The following TEC variants were observed in gnomAD, a reference collection of about 807,000 sequenced individuals.
TEC encodes tec protein tyrosine kinase, also known as tyrosine-protein kinase Tec.
A neutral mutation model predicts 93.0 loss-of-function variants in TEC; 72 were observed. That is an observed-to-expected ratio of 0.77 (90% CI 0.64 to 0.94). The LOEUF (loss-of-function observed/expected upper bound fraction) is 0.94. Ranked by LOEUF, TEC falls within the 40% of genes least tolerant of loss-of-function variation. The pLI is 0.00. For missense variants in TEC, 630 were observed against 757.9 expected (o/e 0.83, Z 1.98); for synonymous variants, 249 against 247.7 (o/e 1.01, Z -0.05).
At chr4:48,269,380 C>T (rs1259609959) in intron 1 of TEC, among the ~76,000 whole-genome samples, 5 of 152,244 alleles carry the variant, frequency 3.3e-5, no homozygotes, top group Admixed American at 3.3e-4. Flanking sequence ...AGGCATCAGC[C>T]CTGCTCGCCG....
chr4:48,201,925 C>A lies in TEC; in HGVS notation c.139-25739G>T, dbSNP rs141853342. On this transcript the variant is annotated intron_variant, in intron 2 of 17. Transcript: ENST00000381501. ...GGAGAGTCACAGGGGAAGCCCCAGG[C>A]TGCCAGATTCCAAAGTACTGTGGCT... 2.8e-3 allele frequency among the ~76,000 whole-genome samples: 429 copies of A among 151,020 alleles called. 4 individuals carry two copies. The highest frequency in any genetic ancestry group is 0.01 in the African/African-American group (414 of 41,132).
chr4:48,260,533 C>T (rs537014544), intron 1 of TEC, among the ~76,000 whole-genome samples: 3 of 152,016 alleles, frequency 2.0e-5, no homozygotes, highest in South Asian at 2.1e-4. Flanking sequence ...CCCAGGAGTT[C>T]GAGGCTGCAG....
chr4:48,139,763 G>T (rs553925155), intron 15 of TEC, among the ~76,000 whole-genome samples: 67 of 152,228 alleles, frequency 4.4e-4, no homozygotes, highest in Non-Finnish European at 7.8e-4. Context: ...TTTACAAAAG[G>T]AATGTATCTC....
At chr4:48,255,314 C>T (rs1363920533) in intron 1 of TEC, among the ~76,000 whole-genome samples, 1 of 152,134 alleles carries the variant, frequency 6.6e-6, no homozygotes, top group Non-Finnish European at 1.5e-5. Flanking sequence ...AGAGGAAGAG[C>T]TCCCCCTTTC....
intron 4 of TEC, 53 bp downstream of exon 4, chr4:48,171,315 C>T (rs1721102216): frequency 7.0e-7 from 1 of 1,437,322 alleles, no homozygotes; most frequent in African/African-American, 1.4e-5. Flanking sequence ...TTAATGATAA[C>T]AATATTACAT....
intron 8 of TEC, among the ~76,000 whole-genome samples, chr4:48,162,301 G>A (rs1204187618): frequency 6.6e-6 from 1 of 152,158 alleles, no homozygotes; most frequent in Non-Finnish European, 1.5e-5. Context: ...GTTATGCAGA[G>A]GAAGAAAATT....
At chr4:48,191,846 G>A (rs745938485) in intron 2 of TEC, among the ~76,000 whole-genome samples, 1 of 152,138 alleles carries the variant, frequency 6.6e-6, no homozygotes, top group African/African-American at 2.4e-5. Flanking sequence ...GGAGGTTGAG[G>A]CAGGAGGATT....
intron 3 of TEC, among the ~76,000 whole-genome samples, chr4:48,174,566 T>C (rs1721245472): frequency 6.6e-6 from 1 of 151,564 alleles, no homozygotes; most frequent in Admixed American, 6.6e-5. Flanking sequence ...GGCTGAGGCA[T>C]GAGAATCGCT....
chr4:48,252,653 A>G (rs1368794457), intron 1 of TEC, among the ~76,000 whole-genome samples: 1 of 152,244 alleles, frequency 6.6e-6, no homozygotes, highest in Non-Finnish European at 1.5e-5. Context: ...ATAAAGGCAG[A>G]GATATAGGCA....
rs1720569429 is a variant in TEC at position 48,160,174 on chromosome 4, G to T, written c.738-3440C>A. 1.3e-5 allele frequency among the ~76,000 whole-genome samples: 2 copies of T among 152,148 alleles called. 1 individual carries two copies. The highest frequency in any genetic ancestry group is 4.1e-4 in the South Asian group (2 of 4,828). On this transcript the variant is annotated intron_variant, in intron 8 of 17. Transcript: ENST00000381501. ...AACAGAGAAGCAAAATATATCTCAA[G>T]GGCATACAGCTGGGAAACAGCAAAG... is the stretch of plus-strand genomic sequence containing the variant.
intron 2 of TEC, 91 bp downstream of exon 2, chr4:48,228,386 A>G (rs1317519729): frequency 2.2e-6 from 3 of 1,372,130 alleles, no homozygotes; most frequent in Non-Finnish European, 2.9e-6. Flanking sequence ...CATTAACCCA[A>G]AGCATTTTCA....
chr4:48,144,952 C>G, intron 14 of TEC, 127 bp downstream of exon 14: 1 of 800,018 alleles, frequency 1.2e-6, no homozygotes, highest in Non-Finnish European at 2.1e-6. Context: ...AATTTACCAA[C>G]TTTAAAAATA....
intron 2 of TEC, among the ~76,000 whole-genome samples, chr4:48,184,221 C>T (rs1393000293): frequency 6.6e-6 from 1 of 152,176 alleles, no homozygotes; most frequent in African/African-American, 2.4e-5. Flanking sequence ...GTATAATTAA[C>T]TTGCCCAAAG....
At chr4:48,161,975 ACGGCCTATTATGGGAC>A (rs1390688712) in intron 8 of TEC, among the ~76,000 whole-genome samples, 2 of 152,100 alleles carry the variant, frequency 1.3e-5, no homozygotes, top group Non-Finnish European at 2.9e-5. Context: ...CAGCTTGCAG[ACGGCCTATTATGGGAC>A]CTCAGCTTGT....
intron 1 of TEC, among the ~76,000 whole-genome samples, chr4:48,266,521 G>A (rs2109683155): frequency 6.6e-6 from 1 of 152,264 alleles, no homozygotes; most frequent in Non-Finnish European, 1.5e-5. Context: ...TAAATAAAAT[G>A]AACAAACAAA....
chr4:48,138,738 C>G lies in TEC; in HGVS notation c.1739G>C (p.Arg580Pro). ...TNYEVVTMVT[R>P]GHRLYQPKLA... ...CTTCGGCTGGTAGAGTCGGTGGCCTCGAGTAACCATGGTTACCACTTCATA... is the reference window on the plus strand; with the variant it reads ...CTTCGGCTGGTAGAGTCGGTGGCCTGGAGTAACCATGGTTACCACTTCATA... Residue 580 changes from arginine to proline, a missense_variant, in exon 17 of 18, where the codon CGA (arginine) becomes CCA (proline). By Grantham distance (103) the Arg-to-Pro change is moderately radical. Coordinates refer to ENST00000381501, the MANE Select transcript of TEC (RefSeq NM_003215.3). 6.2e-7 allele frequency: 1 copy of G among 1,614,134 alleles called. No homozygotes were observed. Among genetic ancestry groups the G allele is most frequent in the Non-Finnish European group, 8.5e-7 (1 of 1,180,006 alleles).
intron 2 of TEC, among the ~76,000 whole-genome samples, chr4:48,224,220 C>T (rs1577653376): frequency 1.3e-5 from 2 of 152,248 alleles, no homozygotes; most frequent in South Asian, 4.1e-4. Flanking sequence ...TGGGGCAGTA[C>T]AACAGACAAA....
chr4:48,151,592 T>A (rs938848665), intron 9 of TEC, among the ~76,000 whole-genome samples: 1 of 152,216 alleles, frequency 6.6e-6, no homozygotes, highest in African/African-American at 2.4e-5. Flanking sequence ...GTTCAAGCAG[T>A]TCTCCTGCCT....
intron 1 of TEC, 28 bp from the exon 2 acceptor site, chr4:48,228,687 T>C: frequency 1.3e-6 from 2 of 1,525,136 alleles, no homozygotes; most frequent in South Asian, 1.3e-5. Context: ...ACAGTTAAAA[T>C]GTGACAGTTT....
Sources: gnomAD v4.1 joint callset for allele counts (sites outside exome capture counted in the v4.1 genomes callset) on GRCh38, gnomAD v4.1.1 for gene constraint, MANE v1.5 for transcripts, NCBI Gene and HGNC (gene_info 2026-07-23, HGNC 2026-07-21) for gene names.